RTL8C: variants seen among roughly 807,000 people sequenced by gnomAD.
RTL8C encodes retrotransposon Gag-like protein 8C.
A neutral mutation model predicts 5.0 loss-of-function variants in RTL8C; 1 was observed. The observed-to-expected ratio is 0.20, with a 90% CI of 0.07 to 0.95. The LOEUF is 0.95. Ranked by LOEUF, RTL8C falls within the 40% of genes least tolerant of loss-of-function variation. The probability of loss-of-function intolerance (pLI) is 0.63; values close to 1 mark genes in which losing one functional copy is unlikely to be tolerated. For synonymous variants in RTL8C, 37 were observed against 44.5 expected (o/e 0.83, Z 0.67); for missense variants, 39 against 99.3 (o/e 0.39, Z 2.58).
chrX:135,033,045 G>T lies in RTL8C; in HGVS notation c.*320G>T. 2.1e-6 allele frequency: 2 copies of T among 971,182 alleles called. No homozygotes were observed. The highest frequency in any genetic ancestry group is 2.8e-6 in the Non-Finnish European group (2 of 724,770). 80.0% of individuals were successfully genotyped at this position (971,182 alleles called of 1,213,427 possible). On this transcript the variant is annotated 3_prime_UTR_variant, in exon 1 of 1. Coordinates refer to ENST00000257013, the MANE Select transcript of RTL8C (RefSeq NM_001078171.2). ...CAAGCTGGGCTCCTGTTACACACTG[G>T]ACAGACCACCCACTGCCGCCGCTGC...
chrX:135,033,226 C>T lies in RTL8C; in HGVS notation c.*501C>T, dbSNP rs1408832358. On this transcript the variant is annotated 3_prime_UTR_variant, in exon 1 of 1. Coordinates refer to ENST00000257013, the MANE Select transcript of RTL8C (RefSeq NM_001078171.2). ...CGGAGGTATCTGGGCTGGCCACAGT[C>T]CCTGGACAGTGATCCAGACAGCTGG... 1.7e-6 allele frequency: 1 copy of T among 602,625 alleles called. No individual in the cohort carries two copies. The highest frequency in any genetic ancestry group is 2.4e-6 in the Non-Finnish European group (1 of 411,604). 49.7% of individuals were successfully genotyped at this position (602,625 alleles called of 1,213,427 possible).
At position 135,033,276 on chromosome X, in the gene RTL8C, T is replaced by G. The variant is rs2083296353; in HGVS notation, c.*551T>G. ...GCCGCCCCCCAAGGGATCTGTCACC[T>G]TCAGCGAGACCTATTTCCTCCCCAC... On this transcript the variant is annotated 3_prime_UTR_variant, in exon 1 of 1. Transcript: ENST00000257013. The G allele has an allele frequency of 5.5e-6, 2 of 362,043 alleles. No individual in the cohort carries two copies. The highest frequency in any genetic ancestry group is 5.9e-5 in the South Asian group (2 of 33,902). 29.8% of individuals were successfully genotyped at this position (362,043 alleles called of 1,213,427 possible). A position where few individuals can be genotyped will look rare whatever the true frequency, so the allele number is the denominator to read the frequency against.
In RTL8C at chrX:135,032,443, G is replaced by C; in HGVS notation, c.60G>C (p.Thr20=). The C allele has an allele frequency of 8.3e-6, 10 of 1,212,007 alleles. No homozygotes were observed. Among genetic ancestry groups the C allele is most frequent in the Non-Finnish European group, 1.1e-5 (10 of 895,464 alleles). Residue 20 remains threonine (T), a synonymous_variant, in exon 1 of 1, where the codon ACG becomes ACC. Coordinates refer to ENST00000257013, the MANE Select transcript of RTL8C (RefSeq NM_001078171.2). ...TGGCCTTGCCGATCCGGCCTGCGAC[G>C]CGTCGCTGGAGGAACCCGATTCCCT... ...ALLALPIRPA[T]RRWRNPIPFP...
rs1287459945 is a variant in RTL8C at position 135,033,204 on chromosome X, A to C, written c.*479A>C. The C allele has an allele frequency of 3.6e-5, 27 of 747,177 alleles. No individual in the cohort carries two copies. The highest frequency in any genetic ancestry group is 9.2e-6 in the Non-Finnish European group (5 of 542,651). The allele number at this position is 747,177 out of a possible 1,213,427, so 61.6% of individuals were successfully genotyped here. On this transcript the variant is annotated 3_prime_UTR_variant, in exon 1 of 1. Transcript: ENST00000257013. The stretch of plus-strand genomic sequence containing the variant: ...TCCTAGTGATCTGGACTCACCTCGG[A>C]GGTATCTGGGCTGGCCACAGTCCCT...
At position 135,032,645 on chromosome X, in the gene RTL8C, AGCCC is replaced by A; in HGVS notation, c.263_266del (p.Ser88ThrfsTer13). The A allele has an allele frequency of 8.3e-7, 1 of 1,206,448 alleles. No individual in the cohort carries two copies. Among genetic ancestry groups the A allele is most frequent in the Non-Finnish European group, 1.1e-6 (1 of 892,680 alleles). On this transcript the variant is annotated frameshift_variant, in exon 1 of 1. Coordinates refer to ENST00000257013, the MANE Select transcript of RTL8C (RefSeq NM_001078171.2). LOFTEE classifies it high-confidence loss of function. ...GGTGATCCCCTACATCAAGAAGGAGAGCCCCCTCCTCAATGATTACCGGGGCTTT... is the reference window on the plus strand; with the variant it reads ...GGTGATCCCCTACATCAAGAAGGAGACCTCCTCAATGATTACCGGGGCTTT...
At position 135,033,130 on chromosome X, in the gene RTL8C, C is replaced by T; in HGVS notation, c.*405C>T. On this transcript the variant is annotated 3_prime_UTR_variant, in exon 1 of 1. Coordinates refer to ENST00000257013, the MANE Select transcript of RTL8C (RefSeq NM_001078171.2). The stretch of plus-strand genomic sequence containing the variant: ...CTACATCATTCTGCCCACAGACCTG[C>T]GCTGCCACAGCCATCGCCATCCATC... 1.0e-6 allele frequency: 1 copy of T among 961,519 alleles called. No homozygotes were observed. The allele number at this position is 961,519 out of a possible 1,213,427, so 79.2% of individuals were successfully genotyped here. A position where few individuals can be genotyped will look rare whatever the true frequency, so the allele number is the denominator to read the frequency against.
chrX:135,032,893 TC>T lies in RTL8C; in HGVS notation c.*170del, dbSNP rs752478561. ...CCTCCCGCGTAGTGCTTGCCTTTGTTCCAGGAATAGCGCTCCAGGCTCCTGC... is the reference window on the plus strand; with the variant it reads ...CCTCCCGCGTAGTGCTTGCCTTTGTTCAGGAATAGCGCTCCAGGCTCCTGC... On this transcript the variant is annotated 3_prime_UTR_variant, in exon 1 of 1. Coordinates refer to ENST00000257013, the MANE Select transcript of RTL8C (RefSeq NM_001078171.2). 2.7e-6 allele frequency: 3 copies of T among 1,104,071 alleles called. No individual in the cohort carries two copies. Among genetic ancestry groups the T allele is most frequent in the Non-Finnish European group, 3.6e-6 (3 of 844,716 alleles). The allele number at this position is 1,104,071 out of a possible 1,213,427, so 91.0% of individuals were successfully genotyped here.
In RTL8C at chrX:135,032,772, G is replaced by T; in HGVS notation, c.*47G>T. 8.4e-7 allele frequency: 1 copy of T among 1,194,986 alleles called. No homozygotes were observed. Among genetic ancestry groups the T allele is most frequent in the East Asian group, 3.0e-5 (1 of 33,383 alleles). ...GGGGCGGGTGCTCTGGGGAGGGTCCGCTGTGTTACTGGCCGCCGCCAGGGT... is the reference window on the plus strand; with the variant it reads ...GGGGCGGGTGCTCTGGGGAGGGTCCTCTGTGTTACTGGCCGCCGCCAGGGT... On this transcript the variant is annotated 3_prime_UTR_variant, in exon 1 of 1. Transcript: ENST00000257013.
At position 135,032,570 on chromosome X, in the gene RTL8C, C is replaced by T; in HGVS notation, c.187C>T (p.Leu63=). The change falls in exon 1 of 1, where the codon CTG becomes TTG. Residue 63 remains leucine, a synonymous_variant. Coordinates refer to ENST00000257013, the MANE Select transcript of RTL8C (RefSeq NM_001078171.2). The part of the protein sequence containing the change: ...VDENTFSSDA[L]KVTFLITRLT... The stretch of plus-strand genomic sequence containing the variant: ...CGAGAACACGTTCTCCAGCGACGCC[C>T]TGAAGGTGACGTTCCTCATCACCCG... 20 of 1,211,697 alleles carry T rather than the reference C, an allele frequency of 1.7e-5. No individual in the cohort carries two copies. The highest frequency in any genetic ancestry group is 2.2e-5 in the Non-Finnish European group (20 of 895,415).
chrX:135,033,155 C>T lies in RTL8C; in HGVS notation c.*430C>T. 3 of 933,665 alleles carry T rather than the reference C, an allele frequency of 3.2e-6. No individual in the cohort carries two copies. The highest frequency in any genetic ancestry group is 7.4e-5 in the East Asian group (1 of 13,589). 76.9% of individuals were successfully genotyped at this position (933,665 alleles called of 1,213,427 possible). ...CGCTGCCACAGCCATCGCCATCCAT[C>T]GCATCCCACCGACAGACTGCTGCTC... On this transcript the variant is annotated 3_prime_UTR_variant, in exon 1 of 1. Coordinates refer to ENST00000257013, the MANE Select transcript of RTL8C (RefSeq NM_001078171.2).
In RTL8C at chrX:135,032,378, G is replaced by A. The variant is rs370016193; in HGVS notation, c.-6G>A. 132 of 1,199,208 alleles carry A rather than the reference G, an allele frequency of 1.1e-4. No individual in the cohort carries two copies. Among genetic ancestry groups the A allele is most frequent in the Non-Finnish European group, 1.4e-4 (123 of 889,103 alleles). ...CCATTGACGTCCAGCGAAGCGAGGA[G>A]CAGCGATGGACGGTCGGGTGCAGCT... On this transcript the variant is annotated 5_prime_UTR_variant, in exon 1 of 1. Coordinates refer to ENST00000257013, the MANE Select transcript of RTL8C (RefSeq NM_001078171.2).
chrX:135,032,943 G>C lies in RTL8C; in HGVS notation c.*218G>C, dbSNP rs781003119. ...GCTGCCGCCCCTGGGCCTCACTCTG[G>C]AGCGAGCCGCCGCCCTCTCCTTCCA... On this transcript the variant is annotated 3_prime_UTR_variant, in exon 1 of 1. Transcript: ENST00000257013. 2.8e-5 allele frequency: 31 copies of C among 1,095,798 alleles called. No homozygotes were observed. The highest frequency in any genetic ancestry group is 3.7e-5 in the Non-Finnish European group (31 of 839,398). The allele number at this position is 1,095,798 out of a possible 1,213,427, so 90.3% of individuals were successfully genotyped here.
Position 135,032,768 on chromosome X carries a change from G to A in RTL8C, c.*43G>A. The stretch of plus-strand genomic sequence containing the variant: ...CCTGGGGGCGGGTGCTCTGGGGAGG[G>A]TCCGCTGTGTTACTGGCCGCCGCCA... On this transcript the variant is annotated 3_prime_UTR_variant, in exon 1 of 1. Coordinates refer to ENST00000257013, the MANE Select transcript of RTL8C (RefSeq NM_001078171.2). The A allele has an allele frequency of 6.7e-6, 8 of 1,198,437 alleles. No homozygotes were observed. Among genetic ancestry groups the A allele is most frequent in the Non-Finnish European group, 9.0e-6 (8 of 889,323 alleles).
chrX:135,033,028 G>C lies in RTL8C; in HGVS notation c.*303G>C. ...GTCCTGCGCTCCAGCTGCAAGCTGG[G>C]CTCCTGTTACACACTGGACAGACCA... is the stretch of plus-strand genomic sequence containing the variant. On this transcript the variant is annotated 3_prime_UTR_variant, in exon 1 of 1. Coordinates refer to ENST00000257013, the MANE Select transcript of RTL8C (RefSeq NM_001078171.2). The C allele has an allele frequency of 2.2e-5, 22 of 991,785 alleles. No individual in the cohort carries two copies. Among genetic ancestry groups the C allele is most frequent in the Non-Finnish European group, 2.8e-5 (21 of 746,981 alleles). 81.7% of individuals were successfully genotyped at this position (991,785 alleles called of 1,213,427 possible). A position where few individuals can be genotyped will look rare whatever the true frequency, so the allele number is the denominator to read the frequency against.
Position 135,032,803 on chromosome X carries a change from C to T in RTL8C, c.*78C>T. On this transcript the variant is annotated 3_prime_UTR_variant, in exon 1 of 1. Transcript: ENST00000257013. ...TTACTGGCCGCCGCCAGGGTCGCCA[C>T]CGGCGCCCTCCCTCCGCGCCTCCCT... 8.6e-7 allele frequency: 1 copy of T among 1,162,644 alleles called. No homozygotes were observed. Among genetic ancestry groups the T allele is most frequent in the Non-Finnish European group, 1.1e-6 (1 of 872,603 alleles).
rs1218692532 is a variant in RTL8C, at chrX:135,032,985, C to T, written c.*260C>T. On this transcript the variant is annotated 3_prime_UTR_variant, in exon 1 of 1. Coordinates refer to ENST00000257013, the MANE Select transcript of RTL8C (RefSeq NM_001078171.2). ...CTCCTTCCAGCCAGCCAGCCCCTCC[C>T]ATGTACATTTGGACGCTGTCCTGCG... is the stretch of plus-strand genomic sequence containing the variant. 1.0e-5 allele frequency: 11 copies of T among 1,069,668 alleles called. No homozygotes were observed. The highest frequency in any genetic ancestry group is 1.2e-5 in the Non-Finnish European group (10 of 814,898). The allele number at this position is 1,069,668 out of a possible 1,213,427, so 88.2% of individuals were successfully genotyped here. A position where few individuals can be genotyped will look rare whatever the true frequency, so the allele number is the denominator to read the frequency against.
rs770067362 is a variant in RTL8C, at chrX:135,032,412, C to T, written c.29C>T (p.Ala10Val). The change falls in exon 1 of 1, where the codon GCC becomes GTC. Residue 10 changes from alanine (A) to valine (V), a missense_variant. Coordinates refer to ENST00000257013, the MANE Select transcript of RTL8C (RefSeq NM_001078171.2). The stretch of plus-strand genomic sequence containing the variant: ...GACGGTCGGGTGCAGCTGATAAAGG[C>T]CCTCCTGGCCTTGCCGATCCGGCCT... Reference protein sequence around the residue: MDGRVQLIKALLALPIRPAT... With the variant: MDGRVQLIKVLLALPIRPAT... The T allele has an allele frequency of 5.0e-6, 6 of 1,208,719 alleles. No individual in the cohort carries two copies. In the East Asian group the frequency reaches 1.5e-4, roughly 30 times the overall value.
At position 135,032,363 on chromosome X, in the gene RTL8C, C is replaced by A. The variant is rs766233596; in HGVS notation, c.-21C>A. 2.5e-6 allele frequency: 3 copies of A among 1,190,699 alleles called. No homozygotes were observed. The highest frequency in any genetic ancestry group is 3.4e-6 in the Non-Finnish European group (3 of 884,950). On this transcript the variant is annotated 5_prime_UTR_variant, in exon 1 of 1. Transcript: ENST00000257013. Reference sequence around the variant, plus strand: ...AGAGCCGGGTGGAGCCCATTGACGTCCAGCGAAGCGAGGAGCAGCGATGGA... The same window carrying A: ...AGAGCCGGGTGGAGCCCATTGACGTACAGCGAAGCGAGGAGCAGCGATGGA...
At position 135,032,948 on chromosome X, in the gene RTL8C, A is replaced by T; in HGVS notation, c.*223A>T. Reference sequence around the variant, plus strand: ...CGCCCCTGGGCCTCACTCTGGAGCGAGCCGCCGCCCTCTCCTTCCAGCCAG... The same window carrying T: ...CGCCCCTGGGCCTCACTCTGGAGCGTGCCGCCGCCCTCTCCTTCCAGCCAG... On this transcript the variant is annotated 3_prime_UTR_variant, in exon 1 of 1. Transcript: ENST00000257013. The T allele has an allele frequency of 1.8e-6, 2 of 1,093,775 alleles. No individual in the cohort carries two copies. The highest frequency in any genetic ancestry group is 2.4e-6 in the Non-Finnish European group (2 of 837,400). 90.1% of individuals were successfully genotyped at this position (1,093,775 alleles called of 1,213,427 possible).
Sources: gnomAD v4.1 joint callset for allele counts on GRCh38, gnomAD v4.1.1 for gene constraint, MANE v1.5 for transcripts, NCBI Gene and HGNC (gene_info 2026-07-23, HGNC 2026-07-21) for gene names.